The following ARFGEF1 variants were observed in gnomAD, a reference collection of about 807,000 sequenced individuals.
ARFGEF1 encodes brefeldin A-inhibited guanine nucleotide-exchange protein 1.
Under a neutral mutation model 231.0 loss-of-function variants are expected in ARFGEF1, and 42 were observed. That is an observed-to-expected ratio of 0.18 (90% CI 0.14 to 0.24). The LOEUF (loss-of-function observed/expected upper bound fraction) is 0.24, where lower values mean the gene tolerates loss of function less well. Among genes scored for constraint, ARFGEF1 ranks in the 10% least tolerant of loss-of-function variants. ARFGEF1 has a pLI of 1.00. For synonymous variants in ARFGEF1, 710 were observed against 732.3 expected (o/e 0.97, Z 0.49); for missense variants, 1,345 against 2,192.0 (o/e 0.61, Z 7.72).
intron 5 of ARFGEF1, among the ~76,000 whole-genome samples, chr8:67,187,791 A>G (rs761225087): frequency 1.3e-5 from 2 of 152,228 alleles, no homozygotes; most frequent in Non-Finnish European, 2.9e-5. Context: ...TGGAGAAAAG[A>G]TAGTCTTCTC....
intron 7 of ARFGEF1, among the ~76,000 whole-genome samples, chr8:67,277,807 T>C (rs1274309348): frequency 6.6e-6 from 1 of 152,214 alleles, no homozygotes; most frequent in Non-Finnish European, 1.5e-5. Flanking sequence ...CGAAAAAATA[T>C]CTCATTGTCA....
chr8:67,220,895 TTC>T (rs1491306240), intron 29 of ARFGEF1, among the ~76,000 whole-genome samples: 1 of 129,838 alleles, frequency 7.7e-6, no homozygotes, highest in Non-Finnish European at 1.6e-5. Context: ...TTTTTTCCTT[TTC>T]TTTTTTTTTT....
intron 29 of ARFGEF1, among the ~76,000 whole-genome samples, chr8:67,222,735 C>G (rs937736416): frequency 6.6e-6 from 1 of 152,096 alleles, no homozygotes; most frequent in Non-Finnish European, 1.5e-5. Context: ...ATAGGTATGG[C>G]CACCATGCCT....
At chr8:67,318,239 GA>G (rs34563091) in intron 1 of ARFGEF1, among the ~76,000 whole-genome samples, 3,189 of 78,204 alleles carry the variant, frequency 0.041, 102 homozygotes, top group African/African-American at 0.13. Flanking sequence ...TCCGTCTCAA[GA>G]AAAAAAAAAA....
chr8:67,304,483 T>C (rs368991450), intron 1 of ARFGEF1, among the ~76,000 whole-genome samples: 7 of 152,226 alleles, frequency 4.6e-5, no homozygotes, highest in African/African-American at 1.2e-4. Context: ...GTTACTAAAA[T>C]TGCACGGCTC....
rs1446051273 is a variant in ARFGEF1 at position 67,191,342 on chromosome 8, T to C, written c.560+9054A>G. Among the ~76,000 whole-genome samples the C allele has an allele frequency of 2.6e-5, 4 of 152,230 alleles. No homozygotes were observed. In the East Asian group the frequency reaches 7.7e-4, roughly 29 times the overall value. On this transcript the variant is annotated intron_variant, in intron 5 of 5. Coordinates refer to the ARFGEF1 transcript ENST00000518789. ...TATATGACGTGAAGATGCAGTTATA[T>C]GTGAAGCATTTAGCACTGAGCCAAG...
At chr8:67,334,671 T>G (rs983232370) in intron 1 of ARFGEF1, among the ~76,000 whole-genome samples, 11 of 152,148 alleles carry the variant, frequency 7.2e-5, no homozygotes, top group Non-Finnish European at 1.3e-4. Context: ...ATCCATCAAC[T>G]GGTAAATGGA....
intron 1 of ARFGEF1, among the ~76,000 whole-genome samples, chr8:67,317,359 G>T (rs1400427869): frequency 6.6e-6 from 1 of 152,150 alleles, no homozygotes; most frequent in Admixed American, 6.5e-5. Context: ...GCTGGTATCT[G>T]AAGTGAAAAC....
At chr8:67,242,668 C>T (rs1258297811) in intron 19 of ARFGEF1, among the ~76,000 whole-genome samples, 5 of 152,218 alleles carry the variant, frequency 3.3e-5, no homozygotes, top group African/African-American at 1.2e-4. Flanking sequence ...TTGTCTTGCA[C>T]TTTAGGTACC....
At chr8:67,225,990 C>T in intron 28 of ARFGEF1, 33 bp downstream of exon 28, 1 of 1,544,480 alleles carries the variant, frequency 6.5e-7, no homozygotes, top group Non-Finnish European at 8.7e-7. Flanking sequence ...AAAGAATACT[C>T]TGCAAAATTT....
At chr8:67,216,807 TA>T in intron 32 of ARFGEF1, 145 bp from the exon 33 acceptor site, 1 of 504,080 alleles carries the variant, frequency 2.0e-6, no homozygotes, top group Non-Finnish European at 3.4e-6. Flanking sequence ...AGCAATTTCC[TA>T]AAAAACATCT....
chr8:67,299,760 T>C (rs1587257811), intron 3 of ARFGEF1, among the ~76,000 whole-genome samples: 2 of 151,952 alleles, frequency 1.3e-5, no homozygotes, highest in East Asian at 3.9e-4. Flanking sequence ...TGCTTGAGCT[T>C]AGGAGTTCGA....
rs576939692 is a variant in ARFGEF1, at chr8:67,287,943, G to A, written c.1027+12C>T. ...TAGACAGAGTAAAATAATTTTGAAT[G>A]AAGTATACTACCTCCAACAACAATG... On this transcript the variant is annotated intron_variant, in intron 7 of 38. Coordinates refer to ENST00000262215, the MANE Select transcript of ARFGEF1 (RefSeq NM_006421.5). 11 of 1,528,436 alleles carry A rather than the reference G, an allele frequency of 7.2e-6. No individual in the cohort carries two copies. The South Asian group carries it at 1.4e-4, about 19-fold the overall frequency. The allele number at this position is 1,528,436 out of a possible 1,614,324, so 94.7% of individuals were successfully genotyped here.
Position 67,217,772 on chromosome 8 carries a change from ATCT to A in ARFGEF1, c.4613+7_4613+9del, listed in dbSNP as rs1415464325. On this transcript the variant is annotated splice_region_variant and intron_variant, in intron 32 of 38. Coordinates refer to ENST00000262215, the MANE Select transcript of ARFGEF1 (RefSeq NM_006421.5). Reference sequence around the variant, plus strand: ...AAATATAAATGTAAAGTTGTATAAAATCTTCTTACGCATGTGGGATTGTGGTTT... The same window carrying A: ...AAATATAAATGTAAAGTTGTATAAAATCTTACGCATGTGGGATTGTGGTTT... 5 of 1,612,524 alleles carry A rather than the reference ATCT, an allele frequency of 3.1e-6. No individual in the cohort carries two copies. Among genetic ancestry groups the A allele is most frequent in the Admixed American group, 1.7e-5 (1 of 59,938 alleles).
intron 28 of ARFGEF1, 84 bp downstream of exon 28, chr8:67,225,939 T>C (rs1261169687): frequency 7.5e-7 from 1 of 1,338,014 alleles, no homozygotes. Flanking sequence ...AAATGCTTCA[T>C]ATACCCTCAA....
intron 5 of ARFGEF1, among the ~76,000 whole-genome samples, chr8:67,192,073 TTTTTG>T (rs1213354362): frequency 7.0e-6 from 1 of 142,228 alleles, no homozygotes; most frequent in East Asian, 2.2e-4. Flanking sequence ...TTTGTTTTTT[TTTTTG>T]TTTTTTTTTT....
intron 1 of ARFGEF1, among the ~76,000 whole-genome samples, chr8:67,327,555 G>A (rs1388673165): frequency 1.3e-5 from 2 of 152,044 alleles, no homozygotes; most frequent in African/African-American, 4.8e-5. Context: ...CCTGACTTCA[G>A]GTGATCCACC....
chr8:67,199,140 C>T, intron 38 of ARFGEF1, 42 bp from the exon 39 acceptor site: 1 of 1,587,638 alleles, frequency 6.3e-7, no homozygotes, highest in South Asian at 1.2e-5. Flanking sequence ...TGATTGCAAA[C>T]TGCAGAGCCT....
At chr8:67,256,273 T>C (rs1371560345) in intron 17 of ARFGEF1, among the ~76,000 whole-genome samples, 2 of 152,236 alleles carry the variant, frequency 1.3e-5, no homozygotes, top group African/African-American at 4.8e-5. Flanking sequence ...AGGCAAATCT[T>C]GAATTATTAA....
Sources: gnomAD v4.1 joint callset for allele counts (sites outside exome capture counted in the v4.1 genomes callset) on GRCh38, gnomAD v4.1.1 for gene constraint, MANE v1.5 for transcripts, NCBI Gene and HGNC (gene_info 2026-07-23, HGNC 2026-07-21) for gene names.